The following TXNDC16 variants were observed in gnomAD, a reference collection of about 807,000 sequenced individuals.
The protein encoded by TXNDC16 is thioredoxin domain-containing protein 16.
Under a neutral mutation model 85.6 loss-of-function variants are expected in TXNDC16, and 74 were observed. That is an observed-to-expected ratio of 0.86 (90% confidence interval 0.72 to 1.05). The LOEUF (loss-of-function observed/expected upper bound fraction) is 1.05. TXNDC16 is among the 50% of genes least tolerant of loss of function. The pLI, the probability that TXNDC16 is intolerant of heterozygous loss-of-function variation, is 0.00. For synonymous variants in TXNDC16, 335 were observed against 326.5 expected, an observed-to-expected ratio of 1.03 and a Z score of -0.28; for missense variants, 959 against 947.0, an observed-to-expected ratio of 1.01 and a Z score of -0.17.
chr14:52,549,177 A>G (rs1226895473), intron 1 of TXNDC16, among the ~76,000 whole-genome samples: 2 of 152,232 alleles, frequency 1.3e-5, no homozygotes, highest in Non-Finnish European at 2.9e-5. Flanking sequence ...GAGGCCCTCA[A>G]TTCTTCAGTA....
chr14:52,506,215 C>T (rs952664183), intron 9 of TXNDC16, among the ~76,000 whole-genome samples: 6 of 152,200 alleles, frequency 3.9e-5, no homozygotes, highest in African/African-American at 1.4e-4. Context: ...TCCTCCCTAA[C>T]TCATTTTATG....
intron 6 of TXNDC16, among the ~76,000 whole-genome samples, chr14:52,532,188 A>G (rs1054965092): frequency 2.0e-4 from 30 of 152,094 alleles, no homozygotes; most frequent in African/African-American, 6.8e-4. Context: ...ATATAAGGAG[A>G]GCTCCTAGAA....
At chr14:52,456,357 C>T (rs2035533874) in intron 17 of TXNDC16, among the ~76,000 whole-genome samples, 1 of 150,776 alleles carries the variant, frequency 6.6e-6, no homozygotes, top group Admixed American at 6.6e-5. Flanking sequence ...GTCAGATGGA[C>T]AGTCCTCATA....
At chr14:52,486,018 C>T (rs1462926652) in intron 12 of TXNDC16, among the ~76,000 whole-genome samples, 4 of 152,086 alleles carry the variant, frequency 2.6e-5, no homozygotes, top group African/African-American at 9.7e-5. Context: ...CTTAAAGGTA[C>T]TTTTAAGCAC....
At chr14:52,487,232 G>A (rs2036291294) in intron 12 of TXNDC16, among the ~76,000 whole-genome samples, 1 of 152,168 alleles carries the variant, frequency 6.6e-6, no homozygotes, top group African/African-American at 2.4e-5. Context: ...ACTCCAGAGA[G>A]GAACACAAGC....
chr14:52,518,140 ATCCTTACCTTACT>A (rs2037128101), intron 7 of TXNDC16, among the ~76,000 whole-genome samples: 1 of 152,156 alleles, frequency 6.6e-6, no homozygotes, highest in Non-Finnish European at 1.5e-5. Context: ...TTACTGGTTC[ATCCTTACCTTACT>A]GATCCATAAA....
Position 52,490,982 on chromosome 14 carries a change from T to A in TXNDC16, c.780A>T (p.Gln260His). The A allele has an allele frequency of 6.3e-7, 1 of 1,592,086 alleles. No individual in the cohort carries two copies. The highest frequency in any genetic ancestry group is 8.5e-7 in the Non-Finnish European group (1 of 1,173,382). ...GTTGGAGATGGACAGTTGAAACTTG[T>A]TGAGGATCTTCAGCAACTTCAGTCT... is the stretch of plus-strand genomic sequence containing the variant. ...PLLTEVAEDPQQVSTVHLQLG... is the reference protein window; with the variant it reads ...PLLTEVAEDPHQVSTVHLQLG... Residue 260 changes from glutamine to histidine, a missense_variant, in exon 10 of 21, where the codon CAA becomes CAT. Transcript: ENST00000281741.
rs2034911805 is a variant in TXNDC16 at position 52,432,119 on chromosome 14, G to A, written c.*185C>T. The A allele has an allele frequency of 2.2e-6, 1 of 464,716 alleles. No homozygotes were observed. The allele number at this position is 464,716 out of a possible 1,614,324, so 28.8% of individuals were successfully genotyped here. On this transcript the variant is annotated 3_prime_UTR_variant, in exon 21 of 21. Coordinates refer to ENST00000281741, the MANE Select transcript of TXNDC16 (RefSeq NM_020784.3). The stretch of plus-strand genomic sequence containing the variant: ...TGAAAAGTAATATCAAAATTATTTT[G>A]CCCTGCTCACTTTTACTTTGTTTAA...
Position 52,489,907 on chromosome 14 carries a change from G to A in TXNDC16, c.984+484C>T, listed in dbSNP as rs1195264714. Among the ~76,000 whole-genome samples, 7 of 152,062 alleles carry A rather than the reference G, an allele frequency of 4.6e-5. No homozygotes were observed. The East Asian group carries it at 1.4e-3, about 29-fold the overall frequency. On this transcript the variant is annotated intron_variant, in intron 11 of 20. Coordinates refer to ENST00000281741, the MANE Select transcript of TXNDC16 (RefSeq NM_020784.3). ...GTGGACGTGCAGTGGCACAATCATG[G>A]CTCACTGCAGCTCAAACCTCTGGGG... is the stretch of plus-strand genomic sequence containing the variant.
At chr14:52,487,228 G>A (rs2140149872) in intron 12 of TXNDC16, among the ~76,000 whole-genome samples, 1 of 152,298 alleles carries the variant, frequency 6.6e-6, no homozygotes, top group South Asian at 2.1e-4. Flanking sequence ...GAGAACTCCA[G>A]AGAGGAACAC....
chr14:52,531,835 A>G (rs373354953), intron 6 of TXNDC16, among the ~76,000 whole-genome samples: 10 of 152,202 alleles, frequency 6.6e-5, no homozygotes, highest in African/African-American at 2.2e-4. Context: ...TGGTTCATCA[A>G]TTGTAACAAC....
intron 17 of TXNDC16, 41 bp downstream of exon 17, chr14:52,457,049 T>C: frequency 7.4e-7 from 1 of 1,343,604 alleles, no homozygotes; most frequent in South Asian, 1.3e-5. Flanking sequence ...TTATTTTGCA[T>C]AATTTCTCCC....
Position 52,432,346 on chromosome 14 carries a change from T to C in TXNDC16, c.2436A>G (p.Ser812=). Residue 812 remains serine (S), a synonymous_variant, in exon 21 of 21, where the codon TCA becomes TCG. Transcript: ENST00000281741. ...RSNWFKEAEK[S]FRRDKELGCS... ...ATCCTAACTCTTTATCACGTCTAAA[T>C]GATTTTTCTGCTTCTTTAAACCAAT... The C allele has an allele frequency of 1.2e-6, 2 of 1,613,686 alleles. No individual in the cohort carries two copies. Among genetic ancestry groups the C allele is most frequent in the South Asian group, 2.2e-5 (2 of 91,024 alleles).
At chr14:52,516,769 G>A (rs2037091859) in intron 7 of TXNDC16, among the ~76,000 whole-genome samples, 1 of 151,892 alleles carries the variant, frequency 6.6e-6, no homozygotes, top group Admixed American at 6.6e-5. Context: ...CACTTGAACT[G>A]CATATCATCA....
rs144920740 is a variant in TXNDC16, at chr14:52,516,159, A to G, written c.515-1189T>C. On this transcript the variant is annotated intron_variant, in intron 7 of 20. Coordinates refer to ENST00000281741, the MANE Select transcript of TXNDC16 (RefSeq NM_020784.3). ...CTACCTAGCCTGCTGCACAACTGCC[A>G]TCCTGAGGATTCTCTTACTCCCTCT... Among the ~76,000 whole-genome samples, 122 of 152,230 alleles carry G rather than the reference A, an allele frequency of 8.0e-4. 2 individuals carry two copies. The highest frequency in any genetic ancestry group is 2.3e-3 in the African/African-American group (95 of 41,554).
intron 9 of TXNDC16, among the ~76,000 whole-genome samples, chr14:52,497,758 G>C (rs1249790099): frequency 6.6e-6 from 1 of 151,776 alleles, no homozygotes; most frequent in African/African-American, 2.4e-5. Flanking sequence ...GCATGCACCT[G>C]TAATCCCAGC....
intron 11 of TXNDC16, among the ~76,000 whole-genome samples, chr14:52,488,835 A>AAAAAAAAC (rs1555337754): frequency 1.9e-4 from 24 of 126,182 alleles, no homozygotes; most frequent in Admixed American, 4.0e-4. Flanking sequence ...CTCTGGGAAA[A>AAAAAAAAC]AAAAAAAAAA....
At chr14:52,500,651 A>G (rs1396444900) in intron 9 of TXNDC16, among the ~76,000 whole-genome samples, 2 of 152,202 alleles carry the variant, frequency 1.3e-5, no homozygotes, top group Non-Finnish European at 2.9e-5. Flanking sequence ...CCATGTTAGG[A>G]AACACTATGC....
chr14:52,529,916 A>G (rs1484908550), intron 6 of TXNDC16, among the ~76,000 whole-genome samples: 1 of 101,928 alleles, frequency 9.8e-6, no homozygotes, highest in East Asian at 3.0e-4. Flanking sequence ...ATATTATATA[A>G]TATACATTAT....
Sources: allele counts gnomAD v4.1 joint callset (sites outside exome capture counted in the v4.1 genomes callset), GRCh38; gene constraint gnomAD v4.1.1; transcripts MANE v1.5; gene names NCBI Gene and HGNC (gene_info 2026-07-23, HGNC 2026-07-21).